Variants in ERN1 observed in about 807,000 individuals in gnomAD.
The protein encoded by ERN1 is endoplasmic reticulum to nucleus signaling 1.
ERN1 carries 39 observed loss-of-function variants against 113.1 expected under a neutral mutation model. That is an observed-to-expected ratio of 0.34 (90% CI 0.27 to 0.45). The LOEUF (loss-of-function observed/expected upper bound fraction) is 0.45. ERN1 is among the 20% of genes least tolerant of loss of function. The pLI is 1.00. For synonymous variants in ERN1, 507 were observed against 515.9 expected (o/e 0.98, Z 0.23); for missense variants, 976 against 1,274.8 (o/e 0.77, Z 3.57).
chr17:64,074,530 C>G (rs938272837), intron 5 of ERN1, among the ~76,000 whole-genome samples: 5 of 152,194 alleles, frequency 3.3e-5, no homozygotes, highest in Non-Finnish European at 7.3e-5. Context: ...ACACATAAAG[C>G]TCCTCGAGGC....
intron 2 of ERN1, among the ~76,000 whole-genome samples, chr17:64,092,794 A>G (rs1036620230): frequency 2.6e-5 from 4 of 152,220 alleles, no homozygotes; most frequent in African/African-American, 9.7e-5. Flanking sequence ...AATACTAAAG[A>G]AAGTCCTCTC....
At chr17:64,053,898 C>T (rs776395131) in intron 15 of ERN1, 2 of 217,066 alleles carry the variant, frequency 9.2e-6, no homozygotes, top group South Asian at 7.8e-5. Context: ...AGACATTTGT[C>T]AAAATTCATC....
chr17:64,081,865 G>A (rs1174486200), intron 2 of ERN1, among the ~76,000 whole-genome samples: 2 of 152,214 alleles, frequency 1.3e-5, no homozygotes, highest in South Asian at 2.1e-4. Context: ...GTGGCAGTGA[G>A]AGAGCATGAA....
intron 1 of ERN1, among the ~76,000 whole-genome samples, chr17:64,107,057 T>C (rs1440688537): frequency 6.6e-6 from 1 of 152,132 alleles, no homozygotes; most frequent in Admixed American, 6.5e-5. Flanking sequence ...GAGTACCGCT[T>C]TCTAATACCA....
At position 64,065,283 on chromosome 17, in the gene ERN1, T is replaced by A; in HGVS notation, c.847A>T (p.Thr283Ser). ...GTAGAGTATTTCCCAACATACAGAG[T>A]GGGCCTAGGAGAAAAACAGATACAT... ...ETEAKSKLTP[T>S]LYVGKYSTSL... The change falls in exon 9 of 22, where the codon ACT becomes TCT. Residue 283 changes from threonine (T) to serine (S), a missense_variant. Coordinates refer to ENST00000433197, the MANE Select transcript of ERN1 (RefSeq NM_001433.5). 1 of 1,599,546 alleles carries A rather than the reference T, an allele frequency of 6.3e-7. No individual in the cohort carries two copies. Among genetic ancestry groups the A allele is most frequent in the Non-Finnish European group, 8.5e-7 (1 of 1,172,748 alleles).
At chr17:64,073,335 ATTTT>A (rs201213734) in intron 5 of ERN1, among the ~76,000 whole-genome samples, 1 of 135,080 alleles carries the variant, frequency 7.4e-6, no homozygotes, top group African/African-American at 2.9e-5. Context: ...CACCCAGCAA[ATTTT>A]TTTTTTTTTT....
intron 1 of ERN1, among the ~76,000 whole-genome samples, chr17:64,105,864 A>C (rs564259660): frequency 1.4e-3 from 213 of 152,036 alleles, no homozygotes; most frequent in African/African-American, 4.4e-3. Context: ...CTGAGGCAGG[A>C]GAATCGATTG....
chr17:64,091,173 T>C (rs1243922727), intron 2 of ERN1, among the ~76,000 whole-genome samples: 2 of 152,210 alleles, frequency 1.3e-5, no homozygotes, highest in Admixed American at 6.5e-5. Context: ...CATGTTTCCA[T>C]TGCACTTCTG....
intron 4 of ERN1, 54 bp from the exon 5 acceptor site, chr17:64,075,301 T>C: frequency 7.1e-7 from 1 of 1,405,618 alleles, no homozygotes; most frequent in Non-Finnish European, 9.5e-7. Context: ...TGTGCAATTA[T>C]TACAATTTTA....
intron 17 of ERN1, among the ~76,000 whole-genome samples, chr17:64,050,080 G>A (rs1912635851): frequency 6.6e-6 from 1 of 152,214 alleles, no homozygotes; most frequent in Non-Finnish European, 1.5e-5. Context: ...ATCCCCAGAT[G>A]AGAACGTGGA....
chr17:64,069,087 CAA>C (rs1020042673), intron 6 of ERN1, among the ~76,000 whole-genome samples: 1 of 152,004 alleles, frequency 6.6e-6, no homozygotes, highest in South Asian at 2.1e-4. Context: ...CTGCCAGCAA[CAA>C]AAAATGGGCT....
At position 64,130,009 on chromosome 17, in the gene ERN1, C is replaced by A; in HGVS notation, c.21G>T (p.Leu7=). The A allele has an allele frequency of 6.9e-7, 1 of 1,442,266 alleles. No individual in the cohort carries two copies. 89.3% of individuals were successfully genotyped at this position (1,442,266 alleles called of 1,614,324 possible). MPARRL[L]LLLTLLLPGL... is the part of the protein sequence containing the mutation. ...CGGGCAGCAGCAGCGTCAGCAGCAG[C>A]AGCAGCCGCCGGGCCGGCATGGCGA... is the stretch of plus-strand genomic sequence containing the variant. Residue 7 remains leucine, a synonymous_variant, in exon 1 of 22, where the codon CTG becomes CTT. Coordinates refer to ENST00000433197, the MANE Select transcript of ERN1 (RefSeq NM_001433.5). The surrounding 1 kb of genome is among the most constrained non-coding windows in gnomAD (Gnocchi z 4.0).
Position 64,129,134 on chromosome 17 carries a change from GC to G in ERN1, c.54+841del, listed in dbSNP as rs1285517322. The G allele has an allele frequency of 2.0e-5, 3 of 151,352 alleles. No homozygotes were observed. In the East Asian group the frequency reaches 5.8e-4, roughly 29 times the overall value. 9.4% of individuals were successfully genotyped at this position (151,352 alleles called of 1,614,324 possible). On this transcript the variant is annotated intron_variant, in intron 1 of 21. Transcript: ENST00000433197. ...AAAAAAGCCAAGTCTCCCACAAAGT[GC>G]CCCCAAATCCACAGCTGAGTGAAGG...
chr17:64,125,785 G>A (rs1044573573), intron 1 of ERN1, among the ~76,000 whole-genome samples: 12 of 152,148 alleles, frequency 7.9e-5, no homozygotes, highest in Non-Finnish European at 1.5e-4. Context: ...CACCAAGCCC[G>A]GCTGAGAAGC....
rs557488144 is a variant in ERN1, at chr17:64,066,867, C to T, written c.646G>A (p.Val216Ile). The T allele has an allele frequency of 2.6e-5, 42 of 1,613,882 alleles. No individual in the cohort carries two copies. The highest frequency in any genetic ancestry group is 8.9e-5 in the East Asian group (4 of 44,880). Residue 216 changes from valine (V) to isoleucine (I), a missense_variant, in exon 8 of 22, where the codon GTC (valine) becomes ATC (isoleucine). By Grantham distance (29) the Val-to-Ile change is conservative. Around this residue, in one of 5 missense-constraint regions of ERN1, gnomAD observed 459 missense variants for 581.2 expected, o/e 0.79. Transcript: ENST00000433197. ...VVTVDSESGD[V>I]LWIQNYASPV... Reference sequence around the variant, plus strand: ...GAGGCGTAGTTTTGGATCCACAGGACGTCCCCAGATTCACTGTCCACAGTC... The same window carrying T: ...GAGGCGTAGTTTTGGATCCACAGGATGTCCCCAGATTCACTGTCCACAGTC...
rs745992081 is a variant in ERN1, at chr17:64,049,026, C to T, written c.2401+29G>A. 1.2e-5 allele frequency: 19 copies of T among 1,533,406 alleles called. No homozygotes were observed. Among genetic ancestry groups the T allele is most frequent in the Non-Finnish European group, 1.7e-5 (19 of 1,130,350 alleles). 95.0% of individuals were successfully genotyped at this position (1,533,406 alleles called of 1,614,324 possible). A position where few individuals can be genotyped will look rare whatever the true frequency, so the allele number is the denominator to read the frequency against. ...GCCACCTGAGGCAGCTGAGGAGCTGCTCCCAACCCCAACCCCTGGACCGCT... is the reference window on the plus strand; with the variant it reads ...GCCACCTGAGGCAGCTGAGGAGCTGTTCCCAACCCCAACCCCTGGACCGCT... On this transcript the variant is annotated intron_variant, in intron 18 of 21. Coordinates refer to ENST00000433197, the MANE Select transcript of ERN1 (RefSeq NM_001433.5). The surrounding 1 kb of genome is among the most constrained non-coding windows in gnomAD (Gnocchi z 4.7).
chr17:64,107,352 GCT>G (rs1433467570), intron 1 of ERN1, among the ~76,000 whole-genome samples: 21 of 152,246 alleles, frequency 1.4e-4, no homozygotes, highest in African/African-American at 4.8e-4. Context: ...ACAGGGTCTT[GCT>G]CTGTCACCCA....
At chr17:64,079,773 C>T (rs1913710445) in intron 3 of ERN1, 39 bp from the exon 4 acceptor site, 2 of 1,539,286 alleles carry the variant, frequency 1.3e-6, no homozygotes, top group Non-Finnish European at 1.8e-6. Context: ...TAAATTACAG[C>T]CCAGGGCATG....
chr17:64,101,501 A>C (rs965391570), intron 1 of ERN1, among the ~76,000 whole-genome samples: 4 of 152,224 alleles, frequency 2.6e-5, no homozygotes, highest in Non-Finnish European at 5.9e-5. Flanking sequence ...ATGATTTGCT[A>C]ATCTGTAGAT....
Sources: allele counts gnomAD v4.1 joint callset (sites outside exome capture counted in the v4.1 genomes callset), GRCh38; gene constraint gnomAD v4.1.1; regional missense constraint gnomAD v4.1.1; non-coding constraint Gnocchi (gnomAD v3.1); transcripts MANE v1.5; gene names NCBI Gene and HGNC (gene_info 2026-07-23, HGNC 2026-07-21).